Variants in MACROD2 observed in about 807,000 individuals in gnomAD.
MACROD2 encodes ADP-ribose glycohydrolase MACROD2.
In MACROD2, 36 loss-of-function variants were observed where a neutral mutation model predicts 70.4. The observed-to-expected ratio is 0.51, with a 90% confidence interval of 0.39 to 0.68. The LOEUF is 0.68. Ranked by LOEUF, MACROD2 falls within the 30% of genes least tolerant of loss-of-function variation. The probability of loss-of-function intolerance (pLI) is 0.00; values close to 1 mark genes in which losing one functional copy is unlikely to be tolerated. For missense variants in MACROD2, 496 were observed against 538.4 expected (o/e 0.92, Z 0.78); for synonymous variants, 172 against 178.8 (o/e 0.96, Z 0.30).
chr20:14,682,039 A>G (rs572132245), intron 4 of MACROD2, among the ~76,000 whole-genome samples: 71 of 152,282 alleles, frequency 4.7e-4, no homozygotes, highest in Non-Finnish European at 7.5e-4. Flanking sequence ...AGTTATTATT[A>G]TTAAATAGCT....
At chr20:15,675,797 A>G (rs544117100) in intron 8 of MACROD2, among the ~76,000 whole-genome samples, 14 of 152,318 alleles carry the variant, frequency 9.2e-5, no homozygotes, top group Admixed American at 7.2e-4. Flanking sequence ...TTAGAAGAGA[A>G]GTCATCTTTG....
At chr20:15,311,505 T>A (rs1379691337) in intron 6 of MACROD2, among the ~76,000 whole-genome samples, 1 of 152,304 alleles carries the variant, frequency 6.6e-6, no homozygotes, top group South Asian at 2.1e-4. Flanking sequence ...ACAGCACTAT[T>A]CACAAAAGTA....
intron 8 of MACROD2, among the ~76,000 whole-genome samples, chr20:15,635,545 C>T (rs1399771186): frequency 6.6e-6 from 1 of 151,854 alleles, no homozygotes; most frequent in African/African-American, 2.4e-5. Context: ...ATTGGGTACT[C>T]TTGGACATAA....
chr20:15,113,976 G>A (rs2075974789), intron 5 of MACROD2, among the ~76,000 whole-genome samples: 1 of 152,042 alleles, frequency 6.6e-6, no homozygotes, highest in African/African-American at 2.4e-5. Flanking sequence ...GAAGGCCACA[G>A]CTATGCCTAA....
chr20:15,937,509 C>T lies in MACROD2; in HGVS notation c.872C>T (p.Ala291Val). 6.2e-7 allele frequency: 1 copy of T among 1,613,372 alleles called. No individual in the cohort carries two copies. The highest frequency in any genetic ancestry group is 8.5e-7 in the Non-Finnish European group (1 of 1,179,522). The change falls in exon 12 of 18, where the codon GCT (alanine) becomes GTT (valine). Residue 291 changes from alanine to valine, a missense_variant. Transcript: ENST00000684519. ...AACACTGTCACTGTGCCCGGCCCTG[C>T]TTCAGAAGAGGCAGTTGAAGACTGT... The part of the protein sequence containing the change: ...GVNTVTVPGP[A>V]SEEAVEDCKD...
intron 4 of MACROD2, among the ~76,000 whole-genome samples, chr20:14,495,131 T>TA (rs1191593110): frequency 2.6e-5 from 4 of 152,060 alleles, no homozygotes; most frequent in Admixed American, 2.6e-4. Flanking sequence ...ACAGAAAAAG[T>TA]AAAAAACATT....
At chr20:14,403,752 T>C (rs1233095607) in intron 3 of MACROD2, among the ~76,000 whole-genome samples, 7 of 152,288 alleles carry the variant, frequency 4.6e-5, no homozygotes, top group African/African-American at 1.7e-4. Flanking sequence ...AATTGGGCAG[T>C]GTACCCTAAT....
intron 3 of MACROD2, among the ~76,000 whole-genome samples, chr20:14,292,791 C>T (rs774174085): frequency 4.6e-5 from 7 of 151,726 alleles, no homozygotes; most frequent in Admixed American, 6.6e-5. Flanking sequence ...CCTGCCACCA[C>T]GCCCAGCTAA....
chr20:15,214,027 G>A (rs1023831202), intron 5 of MACROD2, among the ~76,000 whole-genome samples: 4 of 151,992 alleles, frequency 2.6e-5, no homozygotes, highest in African/African-American at 9.7e-5. Flanking sequence ...TTACAGGTGT[G>A]AGCCATGGCT....
At chr20:15,344,815 A>C (rs6043225) in intron 6 of MACROD2, among the ~76,000 whole-genome samples, 37,770 of 152,138 alleles carry the variant, frequency 0.25, 4,728 homozygotes, top group Middle Eastern at 0.33. Context: ...TGAGTTATTC[A>C]ATCTGACCTG....
chr20:14,574,375 CCATT>C (rs3044717), intron 4 of MACROD2, among the ~76,000 whole-genome samples: 2,477 of 152,138 alleles, frequency 0.016, 68 homozygotes, highest in African/African-American at 0.053. Flanking sequence ...ATTTACCCTG[CCATT>C]CATTCATTCA....
intron 5 of MACROD2, among the ~76,000 whole-genome samples, chr20:14,890,581 A>G (rs1016603126): frequency 5.9e-5 from 9 of 151,910 alleles, no homozygotes; most frequent in Admixed American, 2.0e-4. Context: ...CAGCCTGGGC[A>G]ACATAGTGAG....
intron 5 of MACROD2, among the ~76,000 whole-genome samples, chr20:15,043,536 A>G (rs2075370765): frequency 1.3e-5 from 2 of 152,144 alleles, no homozygotes; most frequent in African/African-American, 4.8e-5. Flanking sequence ...TTCTTTTGAA[A>G]GATTGTCTTG....
At chr20:15,075,995 C>T (rs1197143648) in intron 5 of MACROD2, among the ~76,000 whole-genome samples, 6 of 152,130 alleles carry the variant, frequency 3.9e-5, no homozygotes, top group East Asian at 3.9e-4. Flanking sequence ...ATTATAAAGG[C>T]GATATGTGTT....
intron 8 of MACROD2, among the ~76,000 whole-genome samples, chr20:15,642,305 A>C (rs377086410): frequency 3.3e-5 from 5 of 152,180 alleles, no homozygotes; most frequent in African/African-American, 1.2e-4. Flanking sequence ...TCCATACAGG[A>C]ACGCTTGAAC....
intron 4 of MACROD2, among the ~76,000 whole-genome samples, chr20:14,589,794 A>G (rs187858481): frequency 2.0e-5 from 3 of 152,292 alleles, no homozygotes; most frequent in Admixed American, 6.5e-5. Flanking sequence ...TCTAACCCCA[A>G]CCAGCTGGAA....
At chr20:15,220,563 C>T (rs1408396398) in intron 5 of MACROD2, among the ~76,000 whole-genome samples, 1 of 152,184 alleles carries the variant, frequency 6.6e-6, no homozygotes, top group Non-Finnish European at 1.5e-5. Flanking sequence ...AGAGCTCTGA[C>T]CGATGGAAAC....
intron 3 of MACROD2, among the ~76,000 whole-genome samples, chr20:14,159,411 A>G (rs2055151714): frequency 6.6e-6 from 1 of 152,012 alleles, no homozygotes; most frequent in Non-Finnish European, 1.5e-5. Flanking sequence ...TTTCTTTCAT[A>G]GTTTTATAGT....
intron 3 of MACROD2, among the ~76,000 whole-genome samples, chr20:14,176,712 G>A (rs1189449621): frequency 6.6e-6 from 1 of 152,108 alleles, no homozygotes; most frequent in Non-Finnish European, 1.5e-5. Context: ...TTGAATATAA[G>A]AAGAAATGTT....
Sources: gnomAD v4.1 joint callset for allele counts (sites outside exome capture counted in the v4.1 genomes callset) on GRCh38, gnomAD v4.1.1 for gene constraint, MANE v1.5 for transcripts, NCBI Gene and HGNC (gene_info 2026-07-23, HGNC 2026-07-21) for gene names.